The following DCLK1 variants were observed in gnomAD, a reference collection of about 807,000 sequenced individuals.
The protein encoded by DCLK1 is serine/threonine-protein kinase DCLK1.
Under a neutral mutation model 86.2 loss-of-function variants are expected in DCLK1, and 16 were observed. The observed-to-expected ratio is 0.19, with a 90% CI of 0.13 to 0.28. The LOEUF (loss-of-function observed/expected upper bound fraction) is 0.28. Ranked by LOEUF, DCLK1 falls within the 10% of genes least tolerant of loss-of-function variation. DCLK1 has a pLI of 1.00. For missense variants in DCLK1, 590 were observed against 940.2 expected, an observed-to-expected ratio of 0.63 and a Z score of 4.87; for synonymous variants, 369 against 370.5, an observed-to-expected ratio of 1.00 and a Z score of 0.05.
chr13:35,776,448 G>T (rs981757186), intron 16 of DCLK1, among the ~76,000 whole-genome samples: 3 of 152,164 alleles, frequency 2.0e-5, no homozygotes, highest in African/African-American at 7.2e-5. Flanking sequence ...ATTGGCATTG[G>T]AATGAATTCT....
chr13:35,885,535 A>T (rs1021625873), intron 4 of DCLK1, among the ~76,000 whole-genome samples: 2 of 152,162 alleles, frequency 1.3e-5, no homozygotes. Context: ...TGATGTAAAC[A>T]TACTCCTGAG....
intron 16 of DCLK1, among the ~76,000 whole-genome samples, chr13:35,783,560 TTTAA>T (rs1231771137): frequency 6.6e-6 from 1 of 152,178 alleles, no homozygotes; most frequent in African/African-American, 2.4e-5. Context: ...GCTGCCAATC[TTTAA>T]TTAAGTTAAT....
At chr13:36,056,156 C>T (rs1283370455) in intron 3 of DCLK1, among the ~76,000 whole-genome samples, 1 of 129,712 alleles carries the variant, frequency 7.7e-6, no homozygotes, top group Non-Finnish European at 1.6e-5. Context: ...GCTATAAAGA[C>T]ACATGCACAC....
At chr13:36,126,589 A>C (rs1298878332) in intron 1 of DCLK1, among the ~76,000 whole-genome samples, 1 of 152,058 alleles carries the variant, frequency 6.6e-6, no homozygotes, top group Non-Finnish European at 1.5e-5. Context: ...GGTCTGCTTC[A>C]GAACAGCTGG....
At chr13:35,982,317 C>T (rs78008909) in intron 3 of DCLK1, among the ~76,000 whole-genome samples, 3,948 of 151,622 alleles carry the variant, frequency 0.026, 57 homozygotes, top group Middle Eastern at 0.061. Context: ...GAGTTCGTGG[C>T]TGCACTGAAC....
chr13:35,795,954 A>G (rs112092078), intron 15 of DCLK1, among the ~76,000 whole-genome samples: 5,197 of 151,252 alleles, frequency 0.034, 304 homozygotes, highest in African/African-American at 0.12. Context: ...ACCAACAACA[A>G]AAAACCAACA....
chr13:35,846,149 T>G (rs1362393101), intron 6 of DCLK1: 1 of 985,252 alleles, frequency 1.0e-6, no homozygotes, highest in Non-Finnish European at 1.2e-6. Flanking sequence ...GTCAAATGTT[T>G]TAACACAAAA....
chr13:36,092,800 CTTTCCT>C (rs1216161033), intron 3 of DCLK1, among the ~76,000 whole-genome samples: 1 of 152,150 alleles, frequency 6.6e-6, no homozygotes, highest in Non-Finnish European at 1.5e-5. Context: ...GAGGCGTTTT[CTTTCCT>C]TTTCCTTTTC....
chr13:35,802,814 C>G (rs1379343443), intron 15 of DCLK1, among the ~76,000 whole-genome samples: 2 of 152,092 alleles, frequency 1.3e-5, no homozygotes, highest in Non-Finnish European at 2.9e-5. Flanking sequence ...TGAATTGAAC[C>G]TTTGGCACTA....
rs1019577411 is a variant in DCLK1, at chr13:35,864,352, T to A, written c.940+6872A>T. ...AGGCCGAGGCGGGCGGATCACGAGG[T>A]CAGGAGATCGAGACCATCCCGGCTA... On this transcript the variant is annotated intron_variant, in intron 5 of 16. Transcript: ENST00000360631. 2.3e-4 allele frequency among the ~76,000 whole-genome samples: 28 copies of A among 122,472 alleles called. 5 individuals carry two copies. The highest frequency in any genetic ancestry group is 1.1e-4 in the Non-Finnish European group (7 of 61,742). The allele number at this position is 122,472 out of a possible 152,430, so 80.3% of individuals were successfully genotyped here.
intron 3 of DCLK1, among the ~76,000 whole-genome samples, chr13:35,966,528 CT>C (rs886868207): frequency 7.2e-6 from 1 of 139,470 alleles, no homozygotes; most frequent in African/African-American, 2.7e-5. Flanking sequence ...CCCTCTCCCT[CT>C]TTGCACGGTC....
intron 4 of DCLK1, among the ~76,000 whole-genome samples, chr13:35,901,371 T>G (rs1874345816): frequency 6.6e-6 from 1 of 151,128 alleles, no homozygotes; most frequent in Non-Finnish European, 1.5e-5. Context: ...GTGCCTGTAG[T>G]CCCAGTTACT....
intron 3 of DCLK1, among the ~76,000 whole-genome samples, chr13:36,095,256 A>G (rs1394006862): frequency 2.7e-5 from 4 of 150,896 alleles, no homozygotes; most frequent in African/African-American, 9.8e-5. Context: ...CCCAGGCTAG[A>G]GTGCCGTGAT....
At chr13:35,779,164 CAG>C (rs536703002) in intron 16 of DCLK1, among the ~76,000 whole-genome samples, 3 of 152,098 alleles carry the variant, frequency 2.0e-5, no homozygotes, top group African/African-American at 4.8e-5. Context: ...TCAGTATAGA[CAG>C]GGGTTCACCA....
At chr13:35,965,869 T>C (rs1878708631) in intron 3 of DCLK1, among the ~76,000 whole-genome samples, 1 of 151,788 alleles carries the variant, frequency 6.6e-6, no homozygotes, top group South Asian at 2.1e-4. Flanking sequence ...ACAAGAACAA[T>C]AAGAGACTGT....
chr13:35,809,566 A>G (rs566711083), intron 12 of DCLK1, among the ~76,000 whole-genome samples: 1 of 152,290 alleles, frequency 6.6e-6, no homozygotes, highest in East Asian at 1.9e-4. Context: ...TACAGAAGAG[A>G]GAAAACAGGT....
chr13:36,015,710 ATTTC>A (rs1881513774), intron 3 of DCLK1, among the ~76,000 whole-genome samples: 1 of 152,046 alleles, frequency 6.6e-6, no homozygotes, highest in Non-Finnish European at 1.5e-5. Flanking sequence ...CCTGGAATCC[ATTTC>A]TTTCTTTCAC....
At chr13:36,017,237 G>A (rs752872838) in intron 3 of DCLK1, among the ~76,000 whole-genome samples, 10 of 152,252 alleles carry the variant, frequency 6.6e-5, no homozygotes, top group African/African-American at 1.2e-4. Context: ...GGATCTGTTC[G>A]TGGAATAATT....
chr13:35,774,310 C>G lies in DCLK1; in HGVS notation c.*225G>C. The stretch of plus-strand genomic sequence containing the variant: ...AAAAAAATTGCAAATTGGCCTTAAC[C>G]CTTTGAGGACTCTATTAGCAGCAAA... On this transcript the variant is annotated 3_prime_UTR_variant, in exon 17 of 17. Coordinates refer to ENST00000360631, the MANE Select transcript of DCLK1 (RefSeq NM_001330071.2). The G allele has an allele frequency of 1.7e-6, 1 of 575,592 alleles. No homozygotes were observed. The allele number at this position is 575,592 out of a possible 1,614,324, so 35.7% of individuals were successfully genotyped here.
Sources: gnomAD v4.1 joint callset for allele counts (sites outside exome capture counted in the v4.1 genomes callset) on GRCh38, gnomAD v4.1.1 for gene constraint, MANE v1.5 for transcripts, NCBI Gene and HGNC (gene_info 2026-07-23, HGNC 2026-07-21) for gene names.